Variants in PRUNE2 observed in about 807,000 individuals in gnomAD.
PRUNE2 encodes the protein prune homolog 2 with BCH domain, also known as protein prune homolog 2.
In PRUNE2, 164 loss-of-function variants were observed where a neutral mutation model predicts 252.0. That is an observed-to-expected ratio of 0.65 (90% CI 0.57 to 0.74). PRUNE2 has a LOEUF of 0.74. PRUNE2 is among the 30% of genes least tolerant of loss of function. The probability of loss-of-function intolerance (pLI) is 0.00; values close to 1 mark genes in which losing one functional copy is unlikely to be tolerated. For synonymous variants in PRUNE2, 1,292 were observed against 1,350.2 expected (o/e 0.96, Z 0.94); for missense variants, 3,495 against 3,711.0 (o/e 0.94, Z 1.51).
intron 6 of PRUNE2, chr9:76,787,585 G>A (rs1243486254): frequency 6.6e-6 from 1 of 152,098 alleles, no homozygotes; most frequent in Non-Finnish European, 1.5e-5. Flanking sequence ...TGCCATGTTT[G>A]TTAGCCTTTT....
chr9:76,672,064 A>T (rs2041596036), intron 9 of PRUNE2, among the ~76,000 whole-genome samples: 1 of 151,058 alleles, frequency 6.6e-6, no homozygotes, highest in Non-Finnish European at 1.5e-5. Context: ...ATTAACTTTA[A>T]ATGTCAATGG....
At chr9:76,836,685 T>C (rs2058998084) in intron 4 of PRUNE2, among the ~76,000 whole-genome samples, 2 of 152,196 alleles carry the variant, frequency 1.3e-5, no homozygotes, top group Non-Finnish European at 2.9e-5. Context: ...CAGCAAGACC[T>C]AGCTATTGTA....
rs143191183 is a variant in PRUNE2, at chr9:76,699,593, C to T, written c.8276+3744G>A. 7.1e-3 allele frequency among the ~76,000 whole-genome samples: 1,083 copies of T among 152,288 alleles called. 2 individuals are homozygous for T. Among genetic ancestry groups the T allele is most frequent in the Non-Finnish European group, 0.01 (702 of 68,022 alleles). ...TGCAGCCCTGCAGAACTCACATTCA[C>T]GACTGCAATGCTGACTCTTCCTTGA... On this transcript the variant is annotated intron_variant, in intron 9 of 18. Coordinates refer to ENST00000376718, the MANE Select transcript of PRUNE2 (RefSeq NM_015225.3).
rs148922201 is a variant in PRUNE2, at chr9:76,709,862, A to G, written c.2412T>C (p.Gly804=). Residue 804 remains glycine, a synonymous_variant, in exon 8 of 19, where the codon GGT becomes GGC. Coordinates refer to ENST00000376718, the MANE Select transcript of PRUNE2 (RefSeq NM_015225.3). ...VAPFPAWSAF[G]KEDHDEALKN... is the part of the protein sequence containing the mutation. ...TTAAAGCTTCATCATGATCTTCTTTACCAAATGCACTCCAGGCTGGGAATG... is the reference window on the plus strand; with the variant it reads ...TTAAAGCTTCATCATGATCTTCTTTGCCAAATGCACTCCAGGCTGGGAATG... The G allele has an allele frequency of 1.2e-3, 1,892 of 1,613,870 alleles. 27 individuals carry two copies. The African/African-American group carries it at 0.022, about 19-fold the overall frequency.
chr9:76,636,764 C>A (rs2132593207), intron 14 of PRUNE2, among the ~76,000 whole-genome samples: 1 of 151,868 alleles, frequency 6.6e-6, no homozygotes, highest in South Asian at 2.1e-4. Context: ...ATGTTGAAAC[C>A]CCATCTCTAC....
At chr9:76,655,750 C>T (rs1309993344) in intron 9 of PRUNE2, among the ~76,000 whole-genome samples, 2 of 152,184 alleles carry the variant, frequency 1.3e-5, no homozygotes, top group African/African-American at 4.8e-5. Context: ...AATAAACACA[C>T]ACCAAGTGGG....
At chr9:76,900,094 G>A (rs2063080571) in intron 1 of PRUNE2, among the ~76,000 whole-genome samples, 2 of 152,130 alleles carry the variant, frequency 1.3e-5, no homozygotes, top group South Asian at 4.2e-4. Context: ...AGAGATGAAG[G>A]AAAAGGAAGT....
chr9:76,615,769 G>GGTTT (rs1829201661), intron 18 of PRUNE2, among the ~76,000 whole-genome samples: 1 of 93,966 alleles, frequency 1.1e-5, no homozygotes, highest in Non-Finnish European at 1.9e-5. Flanking sequence ...TGTGTGTGTG[G>GGTTT]TTTTTTTTTT....
rs145561107 is a variant in PRUNE2 at position 76,652,713 on chromosome 9, G to A, written c.8357-30C>T. 13,935 of 1,470,640 alleles carry A rather than the reference G, an allele frequency of 9.5e-3. 104 individuals are homozygous for A. The highest frequency in any genetic ancestry group is 0.012 in the Non-Finnish European group (12,696 of 1,054,006). The allele number at this position is 1,470,640 out of a possible 1,614,324, so 91.1% of individuals were successfully genotyped here. A position where few individuals can be genotyped will look rare whatever the true frequency, so the allele number is the denominator to read the frequency against. On this transcript the variant is annotated intron_variant, in intron 10 of 18. Coordinates refer to ENST00000376718, the MANE Select transcript of PRUNE2 (RefSeq NM_015225.3). Reference sequence around the variant, plus strand: ...AGAAGAAAGAGAACAGCAACATCAAGTATTAAACCAGAGGAGCAATCTAAA... The same window carrying A: ...AGAAGAAAGAGAACAGCAACATCAAATATTAAACCAGAGGAGCAATCTAAA...
At chr9:76,802,688 A>G (rs561029359) in intron 6 of PRUNE2, among the ~76,000 whole-genome samples, 71 of 152,328 alleles carry the variant, frequency 4.7e-4, no homozygotes, top group African/African-American at 1.7e-3. Flanking sequence ...ATGAGTATCA[A>G]AAGTTCGAAC....
At chr9:76,780,927 T>C (rs2054317439) in intron 6 of PRUNE2, among the ~76,000 whole-genome samples, 2 of 152,114 alleles carry the variant, frequency 1.3e-5, no homozygotes, top group Admixed American at 6.5e-5. Flanking sequence ...GTGTTTCCCA[T>C]CTGAGAAAGT....
chr9:76,906,062 G>T lies in PRUNE2; in HGVS notation c.-99C>A. The T allele has an allele frequency of 7.4e-7, 1 of 1,347,218 alleles. No homozygotes were observed. The highest frequency in any genetic ancestry group is 2.3e-5 in the East Asian group (1 of 43,290). 83.5% of individuals were successfully genotyped at this position (1,347,218 alleles called of 1,614,324 possible). On this transcript the variant is annotated 5_prime_UTR_variant, in exon 1 of 19. Coordinates refer to ENST00000376718, the MANE Select transcript of PRUNE2 (RefSeq NM_015225.3). ...GGGGTCCCGGGAAAGTGGCCCGCCG[G>T]GGCGCAGCGACCGACTGCTCCCTCC...
intron 7 of PRUNE2, among the ~76,000 whole-genome samples, 177 bp downstream of exon 7, chr9:76,713,386 C>A (rs553511067): frequency 1.1e-4 from 16 of 152,300 alleles, no homozygotes; most frequent in Non-Finnish European, 2.9e-5. Context: ...TTGGGGCTTT[C>A]TTAAAAGGCC....
At chr9:76,789,592 T>C (rs1439566943) in intron 6 of PRUNE2, among the ~76,000 whole-genome samples, 1 of 152,100 alleles carries the variant, frequency 6.6e-6, no homozygotes, top group Non-Finnish European at 1.5e-5. Context: ...TAGAAGGCCC[T>C]CCATTAGGAG....
chr9:76,723,422 G>A (rs113969055), intron 6 of PRUNE2, among the ~76,000 whole-genome samples: 65 of 152,260 alleles, frequency 4.3e-4, no homozygotes, highest in African/African-American at 1.3e-3. Context: ...GCTGACTTAC[G>A]TTCAAAAACT....
intron 6 of PRUNE2, among the ~76,000 whole-genome samples, chr9:76,717,285 T>C (rs1351352347): frequency 6.6e-6 from 1 of 152,198 alleles, no homozygotes; most frequent in Non-Finnish European, 1.5e-5. Flanking sequence ...ATCTTCAGGA[T>C]TCCAGGAGGC....
In PRUNE2 at chr9:76,834,574, G is replaced by C. The variant is rs142944686; in HGVS notation, c.509-7842C>G. 2.0e-5 allele frequency among the ~76,000 whole-genome samples: 3 copies of C among 152,244 alleles called. No individual in the cohort carries two copies. The East Asian group carries it at 5.8e-4, about 29-fold the overall frequency. ...TCTTATTTTTTAAAGACATAAAATG[G>C]AAAGGCAGTATTAAGAAATTAACCT... On this transcript the variant is annotated intron_variant, in intron 4 of 18. Transcript: ENST00000376718.
Position 76,709,561 on chromosome 9 carries a change from C to T in PRUNE2, c.2713G>A (p.Asp905Asn). ...PPKEDQNGLVDPKTRGKVYEK... is the reference protein window; with the variant it reads ...PPKEDQNGLVNPKTRGKVYEK... ...TATACCTTGCCCCTAGTTTTAGGAT[C>T]CACTAAACCATTCTGATCTTCTTTT... The change falls in exon 8 of 19, where the codon GAT (aspartate) becomes AAT (asparagine). Residue 905 changes from aspartate (D) to asparagine (N), a missense_variant. Asp to Asn is a conservative substitution (Grantham distance 23). Transcript: ENST00000376718. 1 of 1,613,974 alleles carries T rather than the reference C, an allele frequency of 6.2e-7. No individual in the cohort carries two copies. The highest frequency in any genetic ancestry group is 8.5e-7 in the Non-Finnish European group (1 of 1,179,872).
intron 6 of PRUNE2, among the ~76,000 whole-genome samples, chr9:76,794,626 A>AAAAG (rs2055894340): frequency 6.9e-6 from 1 of 144,092 alleles, no homozygotes; most frequent in East Asian, 2.0e-4. Flanking sequence ...AAAAAAAAAA[A>AAAAG]AAAAGAAAAG....
Sources: gnomAD v4.1 joint callset for allele counts (sites outside exome capture counted in the v4.1 genomes callset) on GRCh38, gnomAD v4.1.1 for gene constraint, MANE v1.5 for transcripts, NCBI Gene and HGNC (gene_info 2026-07-23, HGNC 2026-07-21) for gene names.